The following LHPP variants were observed in gnomAD, a reference collection of about 807,000 sequenced individuals.
LHPP encodes the protein hLHPP.
Under a neutral mutation model 30.3 loss-of-function variants are expected in LHPP, and 24 were observed. That is an observed-to-expected ratio of 0.79 (90% CI 0.57 to 1.11). LHPP has a LOEUF of 1.11. Among genes scored for constraint, LHPP ranks in the 50% most tolerant of loss-of-function variants. The probability of loss-of-function intolerance (pLI) is 0.00; values close to 1 mark genes in which losing one functional copy is unlikely to be tolerated. For synonymous variants in LHPP, 150 were observed against 157.1 expected (o/e 0.95, Z 0.34); for missense variants, 356 against 367.2 (o/e 0.97, Z 0.25).
intron 1 of LHPP, among the ~76,000 whole-genome samples, chr10:124,464,473 G>A (rs1952501930): frequency 6.6e-6 from 1 of 152,208 alleles, no homozygotes; most frequent in African/African-American, 2.4e-5. Context: ...CTGGGAACAG[G>A]GAGACTTGGC....
intron 6 of LHPP, among the ~76,000 whole-genome samples, chr10:124,601,384 C>T (rs1949018161): frequency 6.6e-6 from 1 of 152,212 alleles, no homozygotes; most frequent in East Asian, 1.9e-4. Context: ...TCTATGTGCG[C>T]TTGACCGGGG....
At chr10:124,530,997 G>T (rs1954887886) in intron 6 of LHPP, among the ~76,000 whole-genome samples, 1 of 152,216 alleles carries the variant, frequency 6.6e-6, no homozygotes, top group Non-Finnish European at 1.5e-5. Context: ...AGTGTTCCCT[G>T]CGAGTTTGGA....
At chr10:124,562,078 C>T (rs1039667194) in intron 6 of LHPP, among the ~76,000 whole-genome samples, 3 of 151,994 alleles carry the variant, frequency 2.0e-5, no homozygotes, top group Non-Finnish European at 2.9e-5. Context: ...AGGCTGAGGT[C>T]GGTGGATCAC....
rs1432752767 is a variant in LHPP at position 124,576,729 on chromosome 10, G to A, written c.717-36535G>A. Among the ~76,000 whole-genome samples the A allele has an allele frequency of 6.6e-6, 1 of 152,124 alleles. No homozygotes were observed. Among genetic ancestry groups the A allele is most frequent in the African/African-American group, 2.4e-5 (1 of 41,408 alleles). On this transcript the variant is annotated intron_variant, in intron 6 of 6. Transcript: ENST00000368842. This position sits in a 1 kb window ranked among gnomAD's most constrained non-coding sequence, Gnocchi z 4.2. ...GGCGGGGGTACTGGGGGGCTGAGGG[G>A]GGTTCTTTAGGGCAGGAGTTACCTG...
chr10:124,538,051 C>A (rs1408232307), intron 6 of LHPP, among the ~76,000 whole-genome samples: 1 of 152,190 alleles, frequency 6.6e-6, no homozygotes, highest in Non-Finnish European at 1.5e-5. Context: ...CCACCCCAGG[C>A]CCACCCACCT....
intron 6 of LHPP, among the ~76,000 whole-genome samples, chr10:124,609,582 T>C (rs1346267502): frequency 6.6e-6 from 1 of 152,160 alleles, no homozygotes; most frequent in Non-Finnish European, 1.5e-5. Flanking sequence ...AGGTATAACA[T>C]TAGTAAAGTG....
chr10:124,605,049 A>C (rs1211591516), intron 6 of LHPP, among the ~76,000 whole-genome samples: 2 of 152,188 alleles, frequency 1.3e-5, no homozygotes, highest in South Asian at 2.1e-4. Flanking sequence ...GCCCTGGAGG[A>C]GGCGGCAGGG....
intron 2 of LHPP, among the ~76,000 whole-genome samples, chr10:124,488,137 G>C (rs140186890): frequency 2.0e-5 from 3 of 152,264 alleles, no homozygotes; most frequent in African/African-American, 7.2e-5. Context: ...TCCTGCCTGC[G>C]ATAGTGACCT....
intron 6 of LHPP, among the ~76,000 whole-genome samples, chr10:124,569,472 C>T (rs536178840): frequency 6.6e-6 from 1 of 152,284 alleles, no homozygotes; most frequent in East Asian, 1.9e-4. Flanking sequence ...CGCGGAAAGT[C>T]TGAGGGCAGA....
rs531876410 is a variant in LHPP at position 124,605,077 on chromosome 10, C to T, written c.717-8187C>T. The stretch of plus-strand genomic sequence containing the variant: ...CGGCAGGGAGACTGGCCTCATGGGG[C>T]TCTTTTGCTGGGGCCTGGCCACCAT... On this transcript the variant is annotated intron_variant, in intron 6 of 6. Transcript: ENST00000368842. The T allele has an allele frequency of 2.6e-5, 4 of 152,652 alleles. No homozygotes were observed. In the South Asian group the frequency reaches 6.2e-4, roughly 24 times the overall value. 9.5% of individuals were successfully genotyped at this position (152,652 alleles called of 1,614,324 possible).
rs1281698408 is a variant in LHPP, at chr10:124,521,225, G to A, written c.716+3954G>A. Among the ~76,000 whole-genome samples the A allele has an allele frequency of 3.3e-5, 5 of 152,336 alleles. No homozygotes were observed. The South Asian group carries it at 1.0e-3, about 32-fold the overall frequency. On this transcript the variant is annotated intron_variant, in intron 6 of 6. Coordinates refer to ENST00000368842, the MANE Select transcript of LHPP (RefSeq NM_022126.4). Reference sequence around the variant, plus strand: ...CCCTATGGATGTGTGGCCAGCCTGGGGCCAGCACACAGCCTCTGGAGTCAG... The same window carrying A: ...CCCTATGGATGTGTGGCCAGCCTGGAGCCAGCACACAGCCTCTGGAGTCAG...
At chr10:124,564,404 T>C (rs1451381940) in intron 6 of LHPP, among the ~76,000 whole-genome samples, 1 of 151,940 alleles carries the variant, frequency 6.6e-6, no homozygotes, top group African/African-American at 2.4e-5. Context: ...ATTGCAGGCG[T>C]GAGCCACCGC....
intron 6 of LHPP, among the ~76,000 whole-genome samples, chr10:124,588,568 C>T (rs1300496420): frequency 6.6e-6 from 1 of 152,226 alleles, no homozygotes; most frequent in Non-Finnish European, 1.5e-5. Context: ...AGCCACAGTG[C>T]CCGGCCCAGC....
chr10:124,588,853 C>T (rs1379237781), intron 6 of LHPP, among the ~76,000 whole-genome samples: 3 of 152,064 alleles, frequency 2.0e-5, no homozygotes, highest in Admixed American at 2.0e-4. Context: ...CTGGAGAGGG[C>T]ACTGGCCCAC....
chr10:124,547,449 C>T (rs1277729659), intron 6 of LHPP, among the ~76,000 whole-genome samples: 2 of 152,250 alleles, frequency 1.3e-5, no homozygotes, highest in African/African-American at 4.8e-5. Context: ...GTCTGCAGCT[C>T]GTTCTCCCAC....
intron 6 of LHPP, among the ~76,000 whole-genome samples, chr10:124,553,211 G>A (rs1250525267): frequency 2.0e-5 from 3 of 147,858 alleles, no homozygotes; most frequent in East Asian, 1.9e-4. Context: ...CCCAGAACAC[G>A]GCTGATTTTC....
intron 6 of LHPP, among the ~76,000 whole-genome samples, chr10:124,546,500 T>TCTCCTGCCTC (rs1955345656): frequency 6.6e-6 from 1 of 152,216 alleles, no homozygotes; most frequent in Non-Finnish European, 1.5e-5. Flanking sequence ...CCTCCTGGGT[T>TCTCCTGCCTC]CACACCATTC....
intron 6 of LHPP, among the ~76,000 whole-genome samples, chr10:124,600,738 G>A (rs900870921): frequency 1.3e-5 from 2 of 152,204 alleles, no homozygotes; most frequent in African/African-American, 4.8e-5. Context: ...CCACTCATGG[G>A]GAGGGACTGC....
At position 124,596,361 on chromosome 10, in the gene LHPP, G is replaced by A. The variant is rs7917816; in HGVS notation, c.717-16903G>A. Among the ~76,000 whole-genome samples, 1,196 of 152,208 alleles carry A rather than the reference G, an allele frequency of 7.9e-3. 15 individuals carry two copies. Among genetic ancestry groups the A allele is most frequent in the African/African-American group, 0.027 (1,137 of 41,528 alleles). Reference sequence around the variant, plus strand: ...CAGAGTGTCTGATGTACCATGTTGCGCTCCCGCCAGCCTCGCTGAGTTCCC... The same window carrying A: ...CAGAGTGTCTGATGTACCATGTTGCACTCCCGCCAGCCTCGCTGAGTTCCC... On this transcript the variant is annotated intron_variant, in intron 6 of 6. Coordinates refer to ENST00000368842, the MANE Select transcript of LHPP (RefSeq NM_022126.4). The surrounding 1 kb of genome is among the most constrained non-coding windows in gnomAD (Gnocchi z 4.6).
Sources: allele counts gnomAD v4.1 joint callset (sites outside exome capture counted in the v4.1 genomes callset), GRCh38; gene constraint gnomAD v4.1.1; non-coding constraint Gnocchi (gnomAD v3.1); transcripts MANE v1.5; gene names NCBI Gene and HGNC (gene_info 2026-07-23, HGNC 2026-07-21).